Variants in L2HGDH observed in about 807,000 individuals in gnomAD.
L2HGDH encodes the protein L-2-hydroxyglutarate dehydrogenase, mitochondrial.
A neutral mutation model predicts 51.5 loss-of-function variants in L2HGDH; 34 were observed. The observed-to-expected ratio is 0.66, with a 90% CI of 0.50 to 0.88. The LOEUF (loss-of-function observed/expected upper bound fraction) is 0.88. Among genes scored for constraint, L2HGDH ranks in the 40% least tolerant of loss-of-function variants. The pLI, the probability that L2HGDH is intolerant of heterozygous loss-of-function variation, is 0.00. For missense variants in L2HGDH, 558 were observed against 571.9 expected, an observed-to-expected ratio of 0.98 and a Z score of 0.25; for synonymous variants, 198 against 197.9, an observed-to-expected ratio of 1.00 and a Z score of -0.01.
intron 6 of L2HGDH, among the ~76,000 whole-genome samples, chr14:50,273,950 T>C (rs1055429382): frequency 6.6e-6 from 1 of 152,134 alleles, no homozygotes. Context: ...TGGTGGCACA[T>C]GCCTGTAATC....
At chr14:50,300,672 A>T (rs1186413218) in intron 3 of L2HGDH, among the ~76,000 whole-genome samples, 1 of 151,976 alleles carries the variant, frequency 6.6e-6, no homozygotes, top group Admixed American at 6.6e-5. Flanking sequence ...TTAAAAAATA[A>T]TTTTAGGCCA....
At chr14:50,311,708 T>G (rs2031203728) in intron 1 of L2HGDH, among the ~76,000 whole-genome samples, 1 of 152,218 alleles carries the variant, frequency 6.6e-6, no homozygotes, top group Admixed American at 6.5e-5. Context: ...TAAGGTCCAA[T>G]TCACAACTGA....
At chr14:50,259,840 T>C (rs1049040377) in intron 9 of L2HGDH, among the ~76,000 whole-genome samples, 2 of 151,542 alleles carry the variant, frequency 1.3e-5, no homozygotes, top group Non-Finnish European at 2.9e-5. Flanking sequence ...AAAAAAAAAA[T>C]TCTTAAAAAT....
intron 3 of L2HGDH, among the ~76,000 whole-genome samples, chr14:50,300,620 A>G (rs1376059559): frequency 6.6e-6 from 1 of 152,028 alleles, no homozygotes. Context: ...CATACTTCAA[A>G]ACAACATGTT....
chr14:50,253,931 A>G (rs917316543), intron 9 of L2HGDH, among the ~76,000 whole-genome samples: 21 of 152,146 alleles, frequency 1.4e-4, no homozygotes, highest in African/African-American at 2.4e-5. Context: ...ACGGAAAGAC[A>G]AATATCATCC....
intron 1 of L2HGDH, among the ~76,000 whole-genome samples, chr14:50,307,719 T>C (rs1002217190): frequency 4.6e-5 from 7 of 152,232 alleles, no homozygotes; most frequent in Non-Finnish European, 1.0e-4. Context: ...TGTATTATAT[T>C]ATTTTGATGC....
At chr14:50,258,991 C>T (rs552805235) in intron 9 of L2HGDH, among the ~76,000 whole-genome samples, 2 of 149,288 alleles carry the variant, frequency 1.3e-5, no homozygotes, top group South Asian at 2.1e-4. Context: ...CAGGCATATG[C>T]GCACCACCAC....
At chr14:50,294,956 G>A (rs1207111966) in intron 3 of L2HGDH, among the ~76,000 whole-genome samples, 1 of 152,100 alleles carries the variant, frequency 6.6e-6, no homozygotes, top group Non-Finnish European at 1.5e-5. Context: ...ATTTCATGAG[G>A]TGACACTTTT....
intron 4 of L2HGDH, among the ~76,000 whole-genome samples, chr14:50,288,956 A>G (rs1890716042): frequency 6.6e-6 from 1 of 152,196 alleles, no homozygotes; most frequent in African/African-American, 2.4e-5. Context: ...TAACACACTC[A>G]ATAGTTTTGT....
chr14:50,271,348 G>C (rs1046401518), intron 6 of L2HGDH, among the ~76,000 whole-genome samples: 2 of 152,118 alleles, frequency 1.3e-5, no homozygotes, highest in Non-Finnish European at 2.9e-5. Context: ...TTTATAAAAT[G>C]GTACCAGCAT....
At chr14:50,270,575 C>T (rs1279570881) in intron 6 of L2HGDH, among the ~76,000 whole-genome samples, 4 of 151,962 alleles carry the variant, frequency 2.6e-5, no homozygotes, top group African/African-American at 7.3e-5. Context: ...GCAGCGATCT[C>T]GGCTCACTGC....
chr14:50,309,794 T>A (rs1228686349), intron 1 of L2HGDH, among the ~76,000 whole-genome samples: 30 of 151,670 alleles, frequency 2.0e-4, no homozygotes, highest in Non-Finnish European at 1.5e-5. Flanking sequence ...GCGATCCTCC[T>A]GCCTCAGCCC....
chr14:50,243,029 C>A lies in L2HGDH; in HGVS notation c.*4029G>T, dbSNP rs2139913166. On this transcript the variant is annotated 3_prime_UTR_variant, in exon 10 of 10. Transcript: ENST00000267436. ...CAGTATACCCCATTCTCACCACCATCCTTTGAAGAAAGTTCTAAGAGTTAA... is the reference window on the plus strand; with the variant it reads ...CAGTATACCCCATTCTCACCACCATACTTTGAAGAAAGTTCTAAGAGTTAA... 1 of 985,434 alleles carries A rather than the reference C, an allele frequency of 1.0e-6. No homozygotes were observed. The highest frequency in any genetic ancestry group is 4.7e-5 in the South Asian group (1 of 21,288). 61.0% of individuals were successfully genotyped at this position (985,434 alleles called of 1,614,324 possible). A position where few individuals can be genotyped will look rare whatever the true frequency, so the allele number is the denominator to read the frequency against.
At chr14:50,279,378 TG>T (rs11332302) in intron 5 of L2HGDH, among the ~76,000 whole-genome samples, 77,940 of 151,654 alleles carry the variant, frequency 0.51, 20,451 homozygotes, top group East Asian at 0.65. Flanking sequence ...TCTTAAACTG[TG>T]GGGGCTGGGC....
intron 4 of L2HGDH, among the ~76,000 whole-genome samples, chr14:50,292,444 C>T (rs191702281): frequency 5.6e-4 from 86 of 152,366 alleles, no homozygotes; most frequent in Non-Finnish European, 8.8e-4. Flanking sequence ...CAGGCGCTCA[C>T]GCCTGTAATC....
At chr14:50,248,090 G>A (rs1346501932) in intron 9 of L2HGDH, among the ~76,000 whole-genome samples, 1 of 152,100 alleles carries the variant, frequency 6.6e-6, no homozygotes, top group African/African-American at 2.4e-5. Flanking sequence ...GTGAACAACT[G>A]TAAAGACACT....
chr14:50,292,372 GA>G (rs1303613694), intron 4 of L2HGDH, among the ~76,000 whole-genome samples: 1 of 152,080 alleles, frequency 6.6e-6, no homozygotes, highest in Non-Finnish European at 1.5e-5. Flanking sequence ...TAATGTTGAA[GA>G]AAAAAACGGA....
intron 8 of L2HGDH, among the ~76,000 whole-genome samples, chr14:50,266,278 C>CCT (rs1399877301): frequency 6.6e-6 from 1 of 152,186 alleles, no homozygotes; most frequent in African/African-American, 2.4e-5. Context: ...CTTCAACACA[C>CCT]CTAAAAGGCA....
At chr14:50,266,089 T>C (rs895609788) in intron 8 of L2HGDH, among the ~76,000 whole-genome samples, 1 of 149,104 alleles carries the variant, frequency 6.7e-6, no homozygotes, top group African/African-American at 2.5e-5. Context: ...GAGGCTGCAG[T>C]AACCAATGAT....
Sources: allele counts gnomAD v4.1 joint callset (sites outside exome capture counted in the v4.1 genomes callset), GRCh38; gene constraint gnomAD v4.1.1; transcripts MANE v1.5; gene names NCBI Gene and HGNC (gene_info 2026-07-23, HGNC 2026-07-21).